RPSA2: variants seen among roughly 807,000 people sequenced by gnomAD.
The protein encoded by RPSA2 is ribosomal protein SA 2.
At chr19:23,786,362 A>T in the RPSA2 span, among the ~76,000 whole-genome samples, 148,953 of 152,284 alleles carry the variant, frequency 0.98, 72,941 homozygotes, top group Middle Eastern at 1. Flanking sequence ...CCTGAGTGAT[A>T]TGATTTTGCT....
At chr19:23,813,248 A>AAAC in the RPSA2 span, among the ~76,000 whole-genome samples, 1 of 151,478 alleles carries the variant, frequency 6.6e-6, no homozygotes, top group African/African-American at 2.4e-5. Context: ...AAAAAAAAAA[A>AAAC]AGTTGTGTAT....
chr19:23,798,129 A>G, the RPSA2 span, among the ~76,000 whole-genome samples: 4 of 152,198 alleles, frequency 2.6e-5, no homozygotes, highest in East Asian at 7.7e-4. Context: ...TGCTTTGGCA[A>G]AAGGTTATTC....
the RPSA2 span, among the ~76,000 whole-genome samples, chr19:23,806,219 A>G: frequency 1.6e-3 from 239 of 151,410 alleles, no homozygotes; most frequent in African/African-American, 5.6e-3. Flanking sequence ...TAATTTTTGT[A>G]TTTTTAGTAG....
chr19:23,868,839 G>A, the RPSA2 span, among the ~76,000 whole-genome samples: 1,738 of 152,216 alleles, frequency 0.011, 36 homozygotes, highest in African/African-American at 0.039. Context: ...GCCAACCATG[G>A]GCCCGGTCCC....
chr19:23,801,850 A>G, the RPSA2 span, among the ~76,000 whole-genome samples: 2 of 152,156 alleles, frequency 1.3e-5, no homozygotes, highest in African/African-American at 4.8e-5. Context: ...CTTGGCCCCA[A>G]TAAACTGTGT....
chr19:23,840,409 C>T, the RPSA2 span, among the ~76,000 whole-genome samples: 1 of 152,144 alleles, frequency 6.6e-6, no homozygotes, highest in Non-Finnish European at 1.5e-5. Flanking sequence ...TCAGCCTGAG[C>T]AGGTGAAGAT....
the RPSA2 span, among the ~76,000 whole-genome samples, chr19:23,870,133 C>T: frequency 6.6e-6 from 1 of 152,298 alleles, no homozygotes; most frequent in East Asian, 1.9e-4. Flanking sequence ...ACTTACTCAT[C>T]ATGCCTGTAG....
At chr19:23,790,173 A>AT in the RPSA2 span, among the ~76,000 whole-genome samples, 123 of 151,806 alleles carry the variant, frequency 8.1e-4, no homozygotes, top group African/African-American at 2.6e-3. Flanking sequence ...TACTTTTTGT[A>AT]TTTTTAGTAC....
At chr19:23,803,049 G>T in the RPSA2 span, among the ~76,000 whole-genome samples, 1 of 151,560 alleles carries the variant, frequency 6.6e-6, no homozygotes, top group African/African-American at 2.4e-5. Flanking sequence ...CTTGAGAGGG[G>T]AGTGGGGTTT....
chr19:23,769,419 C>T, the RPSA2 span, among the ~76,000 whole-genome samples: 1 of 152,168 alleles, frequency 6.6e-6, no homozygotes, highest in Non-Finnish European at 1.5e-5. Context: ...TCTTGGCTCA[C>T]TGCAACCTCC....
At chr19:23,809,343 A>G in the RPSA2 span, 2 of 152,246 alleles carry the variant, frequency 1.3e-5, no homozygotes, top group Non-Finnish European at 2.9e-5. Flanking sequence ...TGCTTTGGCT[A>G]TTCAAAGTTT....
At chr19:23,791,489 T>C in the RPSA2 span, among the ~76,000 whole-genome samples, 3 of 152,200 alleles carry the variant, frequency 2.0e-5, no homozygotes, top group African/African-American at 7.2e-5. Flanking sequence ...TCAGTCTAAT[T>C]GCCTGCCACT....
the RPSA2 span, among the ~76,000 whole-genome samples, chr19:23,821,400 G>A: frequency 6.6e-6 from 1 of 152,172 alleles, no homozygotes; most frequent in African/African-American, 2.4e-5. Context: ...GAAAGGCTTA[G>A]TTAGACCTGG....
the RPSA2 span, among the ~76,000 whole-genome samples, chr19:23,811,947 TGATTG>T: frequency 6.6e-6 from 1 of 152,336 alleles, no homozygotes; most frequent in African/African-American, 2.4e-5. Flanking sequence ...CTCCTGTTTA[TGATTG>T]TATTTCCTTT....
chr19:23,836,838 T>A, the RPSA2 span, among the ~76,000 whole-genome samples: 1 of 152,014 alleles, frequency 6.6e-6, no homozygotes, highest in Non-Finnish European at 1.5e-5. Context: ...TATTTTTTGA[T>A]TTTTTTCTTA....
the RPSA2 span, chr19:23,763,138 AGT>A: frequency 6.4e-6 from 1 of 156,874 alleles, no homozygotes; most frequent in South Asian, 1.7e-4. Context: ...GGAAAGGGTG[AGT>A]GTGCGGGGTT....
chr19:23,836,712 G>A, the RPSA2 span, among the ~76,000 whole-genome samples: 1 of 152,112 alleles, frequency 6.6e-6, no homozygotes, highest in African/African-American at 2.4e-5. Context: ...GGCCATTCCT[G>A]CAGGAATAGA....
chr19:23,836,311 G>A, the RPSA2 span, among the ~76,000 whole-genome samples: 1 of 151,892 alleles, frequency 6.6e-6, no homozygotes, highest in Non-Finnish European at 1.5e-5. Flanking sequence ...CCAGGTTATT[G>A]CAAATGCTTT....
the RPSA2 span, among the ~76,000 whole-genome samples, chr19:23,761,901 A>ATCCATCCTTCC: frequency 2.1e-3 from 70 of 34,008 alleles, 1 homozygote; most frequent in Non-Finnish European, 2.7e-3. Flanking sequence ...GGGTAACGTA[A>ATCCATCCTTCC]TTCTTTCTTT....
Sources: allele counts gnomAD v4.1 joint callset (sites outside exome capture counted in the v4.1 genomes callset), GRCh38; gene constraint gnomAD v4.1.1; transcripts MANE v1.5; gene names NCBI Gene and HGNC (gene_info 2026-07-23, HGNC 2026-07-21).